The following NTM variants were observed in gnomAD, a reference collection of about 807,000 sequenced individuals.
NTM encodes IgLON family member 2.
In NTM, 13 loss-of-function variants were observed where a neutral mutation model predicts 42.1. The ratio of observed to expected loss-of-function variants is 0.31; its 90% CI spans 0.20 to 0.49. The LOEUF is 0.49. Ranked by LOEUF, NTM falls within the 20% of genes least tolerant of loss-of-function variation. The pLI is 0.99. For missense variants in NTM, 373 were observed against 452.8 expected, an observed-to-expected ratio of 0.82 and a Z score of 1.60; for synonymous variants, 187 against 179.2, an observed-to-expected ratio of 1.04 and a Z score of -0.35.
intron 4 of NTM, among the ~76,000 whole-genome samples, chr11:132,299,052 T>G (rs941411831): frequency 7.2e-5 from 11 of 152,162 alleles, no homozygotes; most frequent in Admixed American, 7.2e-4. Context: ...TCCCAGAACT[T>G]TGGGAGGCCA....
At chr11:131,842,118 G>A (rs970879410) in intron 1 of NTM, among the ~76,000 whole-genome samples, 2 of 152,182 alleles carry the variant, frequency 1.3e-5, no homozygotes, top group Admixed American at 1.3e-4. Context: ...AGAGGTTAGA[G>A]GAGCTCCTTT....
At chr11:131,575,853 C>T (rs1020988615) in intron 1 of NTM, among the ~76,000 whole-genome samples, 2 of 152,178 alleles carry the variant, frequency 1.3e-5, no homozygotes, top group African/African-American at 4.8e-5. Flanking sequence ...CCTGCTCTCT[C>T]CAGGCTCACT....
At chr11:132,315,934 A>ATGCCTTTT (rs149656837) in intron 7 of NTM, among the ~76,000 whole-genome samples, 1 of 152,098 alleles carries the variant, frequency 6.6e-6, no homozygotes, top group Non-Finnish European at 1.5e-5. Context: ...TGCATTTTTC[A>ATGCCTTTT]TGCCTTTTTG....
intron 2 of NTM, among the ~76,000 whole-genome samples, chr11:132,108,791 G>T (rs1319809036): frequency 6.6e-6 from 1 of 152,070 alleles, no homozygotes; most frequent in Admixed American, 6.6e-5. Flanking sequence ...TGCCATTGTG[G>T]TTTGCTGCAC....
chr11:132,194,802 T>A (rs1225284957), intron 3 of NTM, among the ~76,000 whole-genome samples: 1 of 148,380 alleles, frequency 6.7e-6, no homozygotes, highest in Non-Finnish European at 1.5e-5. Context: ...CACAAATCAG[T>A]AGCATTTCTT....
At position 131,554,324 on chromosome 11, in the gene NTM, G is replaced by A. The variant is rs1021688119; in HGVS notation, c.82+183436G>A. Among the ~76,000 whole-genome samples, 5 of 152,166 alleles carry A rather than the reference G, an allele frequency of 3.3e-5. No individual in the cohort carries two copies. The East Asian group carries it at 9.6e-4, about 29-fold the overall frequency. ...TAAATGATTTCAGTGATGAACCTGT[G>A]ATGGTTTGAGGCTTAAGGCATACCC... On this transcript the variant is annotated intron_variant, in intron 1 of 8. Transcript: ENST00000683400.
chr11:131,671,209 T>C (rs1052629697), intron 1 of NTM, among the ~76,000 whole-genome samples: 3 of 152,138 alleles, frequency 2.0e-5, no homozygotes, highest in African/African-American at 4.8e-5. Flanking sequence ...ACTCAGCAAC[T>C]TTATGGATGC....
intron 3 of NTM, among the ~76,000 whole-genome samples, chr11:132,157,731 C>T (rs138040110): frequency 1.3e-5 from 2 of 152,288 alleles, no homozygotes; most frequent in African/African-American, 2.4e-5. Flanking sequence ...ACATAGATCT[C>T]TTGAATTCTA....
chr11:131,617,447 A>G (rs919618358), intron 1 of NTM, among the ~76,000 whole-genome samples: 5 of 152,168 alleles, frequency 3.3e-5, no homozygotes, highest in African/African-American at 1.2e-4. Flanking sequence ...GCAAGTATTT[A>G]TTGAGCATCT....
At chr11:132,106,090 T>C (rs1007809225) in intron 2 of NTM, among the ~76,000 whole-genome samples, 2 of 152,178 alleles carry the variant, frequency 1.3e-5, no homozygotes, top group Non-Finnish European at 2.9e-5. Flanking sequence ...TGAGGTTCAA[T>C]TACTTACATG....
At chr11:131,821,934 A>G (rs1291601987) in intron 1 of NTM, among the ~76,000 whole-genome samples, 1 of 152,192 alleles carries the variant, frequency 6.6e-6, no homozygotes, top group Non-Finnish European at 1.5e-5. Context: ...ACTCAAATGT[A>G]TATATGACAC....
rs1183052146 is a variant in NTM, at chr11:131,789,547, A to G, written c.83-122017A>G. ...AAGAAGAAGAAGAAGAAGAAGAAGA[A>G]AAGAAGAAGAAGAAGAAGAAGAAGA... On this transcript the variant is annotated intron_variant, in intron 1 of 8. Transcript: ENST00000683400. Among the ~76,000 whole-genome samples the G allele has an allele frequency of 4.5e-3, 23 of 5,116 alleles. 4 individuals carry two copies. The highest frequency in any genetic ancestry group is 0.013 in the African/African-American group (14 of 1,058). The allele number at this position is 5,116 out of a possible 152,430, so 3.4% of individuals were successfully genotyped here. A position where few individuals can be genotyped will look rare whatever the true frequency, so the allele number is the denominator to read the frequency against.
intron 4 of NTM, among the ~76,000 whole-genome samples, chr11:132,301,533 T>G (rs2140122329): frequency 6.6e-6 from 1 of 152,348 alleles, no homozygotes; most frequent in Non-Finnish European, 1.5e-5. Context: ...TCTGTCTGTC[T>G]TATCTCCCAG....
chr11:132,317,632 T>G, intron 7 of NTM: 1 of 1,296,778 alleles, frequency 7.7e-7, no homozygotes. Flanking sequence ...TTTTCTCTCC[T>G]GTGTGTCCCT....
chr11:131,994,900 A>T (rs1488092733), intron 2 of NTM, among the ~76,000 whole-genome samples: 1 of 152,152 alleles, frequency 6.6e-6, no homozygotes, highest in Admixed American at 6.6e-5. Flanking sequence ...TATTCACTAG[A>T]TACCTAAAAG....
intron 2 of NTM, among the ~76,000 whole-genome samples, chr11:132,134,747 A>ATATATATATC (rs2067517393): frequency 3.3e-5 from 3 of 89,664 alleles, no homozygotes; most frequent in Middle Eastern, 5.6e-3. Context: ...ATATATATAT[A>ATATATATATC]TATATATATA....
chr11:132,103,188 C>A (rs2061844331), intron 2 of NTM, among the ~76,000 whole-genome samples: 1 of 152,258 alleles, frequency 6.6e-6, no homozygotes, highest in Admixed American at 6.5e-5. Context: ...CGGCCTCTCT[C>A]CAGGCTTATG....
chr11:131,695,017 G>T (rs1202008272), intron 1 of NTM, among the ~76,000 whole-genome samples: 1 of 152,172 alleles, frequency 6.6e-6, no homozygotes. Flanking sequence ...GGGCAGTGTT[G>T]GACGGGCTGG....
intron 4 of NTM, among the ~76,000 whole-genome samples, chr11:132,304,249 C>T (rs1007873995): frequency 6.6e-6 from 1 of 152,078 alleles, no homozygotes; most frequent in African/African-American, 2.4e-5. Context: ...GTGTTATTTC[C>T]ACCTGAGGAT....
Sources: gnomAD v4.1 joint callset for allele counts (sites outside exome capture counted in the v4.1 genomes callset) on GRCh38, gnomAD v4.1.1 for gene constraint, MANE v1.5 for transcripts, NCBI Gene and HGNC (gene_info 2026-07-23, HGNC 2026-07-21) for gene names.